The following ETV6 variants were observed in gnomAD, a reference collection of about 807,000 sequenced individuals.
ETV6 encodes the protein transcription factor ETV6.
A neutral mutation model predicts 51.1 loss-of-function variants in ETV6; 16 were observed. That is an observed-to-expected ratio of 0.31 (90% confidence interval 0.21 to 0.48). The LOEUF is 0.48. Among genes scored for constraint, ETV6 ranks in the 20% least tolerant of loss-of-function variants. The probability of loss-of-function intolerance (pLI) is 0.99; values close to 1 mark genes in which losing one functional copy is unlikely to be tolerated. For missense variants in ETV6, 458 were observed against 594.8 expected (o/e 0.77, Z 2.39); for synonymous variants, 240 against 224.1 (o/e 1.07, Z -0.64).
intron 2 of ETV6, among the ~76,000 whole-genome samples, chr12:11,800,977 G>C (rs951356521): frequency 1.2e-4 from 19 of 152,180 alleles, no homozygotes; most frequent in Non-Finnish European, 1.9e-4. Flanking sequence ...GACTTTTCTA[G>C]ATAATACTAG....
At chr12:11,788,500 C>G (rs1945522475) in intron 2 of ETV6, among the ~76,000 whole-genome samples, 1 of 152,178 alleles carries the variant, frequency 6.6e-6, no homozygotes, top group South Asian at 2.1e-4. Context: ...TTCTTAGTCC[C>G]TTTTCCTCTG....
At chr12:11,796,874 C>T (rs1945685662) in intron 2 of ETV6, among the ~76,000 whole-genome samples, 1 of 151,790 alleles carries the variant, frequency 6.6e-6, no homozygotes, top group Non-Finnish European at 1.5e-5. Context: ...GCAGCCTCCA[C>T]CTCCTGGGCT....
intron 2 of ETV6, among the ~76,000 whole-genome samples, chr12:11,780,011 G>A (rs1481748342): frequency 6.6e-6 from 1 of 152,156 alleles, no homozygotes; most frequent in East Asian, 1.9e-4. Context: ...TTTCACACAC[G>A]CTCTACCTTT....
chr12:11,780,460 GA>G (rs910671586), intron 2 of ETV6, among the ~76,000 whole-genome samples: 5 of 150,758 alleles, frequency 3.3e-5, no homozygotes, highest in Admixed American at 2.6e-4. Context: ...TAATCACAGA[GA>G]AAAAAAAAGC....
chr12:11,712,658 A>G (rs1297967285), intron 1 of ETV6, among the ~76,000 whole-genome samples: 1 of 152,184 alleles, frequency 6.6e-6, no homozygotes, highest in African/African-American at 2.4e-5. Context: ...TGGGAGACCC[A>G]AGTTTTTTTC....
At chr12:11,766,088 T>C (rs1945157041) in intron 2 of ETV6, among the ~76,000 whole-genome samples, 1 of 151,898 alleles carries the variant, frequency 6.6e-6, no homozygotes, top group South Asian at 2.1e-4. Flanking sequence ...TGGGCCAGGG[T>C]CGGTTTCGGT....
chr12:11,894,596 T>C lies in ETV6; in HGVS notation c.*3550T>C, dbSNP rs1591758661. ...AATGTCTTTTGATACTGATCTCTTG[T>C]CCAAATGAGAATGTCGCTTTAGCTG... On this transcript the variant is annotated 3_prime_UTR_variant, in exon 8 of 8. Transcript: ENST00000396373. The C allele has an allele frequency of 6.0e-5, 14 of 233,316 alleles. No homozygotes were observed. The East Asian group carries it at 8.4e-4, about 14-fold the overall frequency. 14.5% of individuals were successfully genotyped at this position (233,316 alleles called of 1,614,324 possible).
intron 2 of ETV6, among the ~76,000 whole-genome samples, chr12:11,813,491 C>T (rs528996360): frequency 2.5e-4 from 38 of 152,316 alleles, no homozygotes; most frequent in African/African-American, 7.2e-4. Context: ...TCACAGCAGA[C>T]GCATAGACAA....
intron 1 of ETV6, among the ~76,000 whole-genome samples, chr12:11,687,018 TG>T (rs1321783134): frequency 1.3e-5 from 2 of 152,164 alleles, no homozygotes; most frequent in African/African-American, 4.8e-5. Flanking sequence ...CCTGAGTATC[TG>T]GGACTACAGG....
In ETV6 at chr12:11,892,353, A is replaced by T. The variant is rs1399719580; in HGVS notation, c.*1307A>T. 4.3e-6 allele frequency: 1 copy of T among 232,764 alleles called. No individual in the cohort carries two copies. Among genetic ancestry groups the T allele is most frequent in the Non-Finnish European group, 8.5e-6 (1 of 117,968 alleles). The allele number at this position is 232,764 out of a possible 1,614,324, so 14.4% of individuals were successfully genotyped here. A position where few individuals can be genotyped will look rare whatever the true frequency, so the allele number is the denominator to read the frequency against. ...GTGTGCCCAGCCTGGGCAGACAGGA[A>T]ATTCCTCGGATACATTATTTTTTCT... On this transcript the variant is annotated 3_prime_UTR_variant, in exon 8 of 8. Coordinates refer to ENST00000396373, the MANE Select transcript of ETV6 (RefSeq NM_001987.5).
In ETV6 at chr12:11,705,483, T is replaced by C. The variant is rs543269863; in HGVS notation, c.34-46967T>C. ...TCTGCATTGGGATAATGGAGCAATTTTGCAGCAAACTGCTTTGGACTGTTC... is the reference window on the plus strand; with the variant it reads ...TCTGCATTGGGATAATGGAGCAATTCTGCAGCAAACTGCTTTGGACTGTTC... On this transcript the variant is annotated intron_variant, in intron 1 of 7. Transcript: ENST00000396373. Among the ~76,000 whole-genome samples the C allele has an allele frequency of 4.6e-5, 7 of 152,350 alleles. No individual in the cohort carries two copies. In the South Asian group the frequency reaches 1.2e-3, roughly 27 times the overall value.
chr12:11,741,357 A>G (rs1269881829), intron 1 of ETV6, among the ~76,000 whole-genome samples: 1 of 152,168 alleles, frequency 6.6e-6, no homozygotes, highest in Non-Finnish European at 1.5e-5. Context: ...AGTGGTCTGG[A>G]GCTTGATCAC....
At chr12:11,778,545 G>A (rs535360065) in intron 2 of ETV6, among the ~76,000 whole-genome samples, 32 of 152,294 alleles carry the variant, frequency 2.1e-4, no homozygotes, top group African/African-American at 6.3e-4. Flanking sequence ...GCAGGCTGAG[G>A]CACTGAGTGA....
intron 1 of ETV6, among the ~76,000 whole-genome samples, chr12:11,714,137 A>G (rs1032591125): frequency 6.6e-6 from 1 of 152,248 alleles, no homozygotes; most frequent in Non-Finnish European, 1.5e-5. Context: ...AGTACTTAGC[A>G]CATCATAAGC....
chr12:11,884,871 C>G (rs1418356866), intron 6 of ETV6, among the ~76,000 whole-genome samples: 2 of 152,182 alleles, frequency 1.3e-5, no homozygotes, highest in Non-Finnish European at 2.9e-5. Context: ...CCTGATCCCG[C>G]CACCTCCACT....
rs1457359444 is a variant in ETV6 at position 11,732,845 on chromosome 12, G to A, written c.34-19605G>A. 2.6e-5 allele frequency among the ~76,000 whole-genome samples: 4 copies of A among 152,168 alleles called. 1 individual carries two copies. Among genetic ancestry groups the A allele is most frequent in the Admixed American group, 2.6e-4 (4 of 15,276 alleles). ...GTAATCATTATGTTAAATGATACAA[G>A]TTTCAAAAAATATATATTTCTAATA... On this transcript the variant is annotated intron_variant, in intron 1 of 7. Transcript: ENST00000396373.
chr12:11,755,888 T>G (rs1019955554), intron 2 of ETV6, among the ~76,000 whole-genome samples: 5 of 152,322 alleles, frequency 3.3e-5, no homozygotes, highest in Non-Finnish European at 4.4e-5. Context: ...TTCCATTGAT[T>G]ACCAGATAAA....
At chr12:11,689,850 C>G (rs1864719089) in intron 1 of ETV6, among the ~76,000 whole-genome samples, 1 of 127,326 alleles carries the variant, frequency 7.9e-6, no homozygotes, top group African/African-American at 2.9e-5. Context: ...TCTCTGACAT[C>G]TGCCGCACAC....
chr12:11,872,914 A>G lies in ETV6; in HGVS notation c.1009+2945A>G, dbSNP rs184741234. On this transcript the variant is annotated intron_variant, in intron 5 of 7. Transcript: ENST00000396373. The stretch of plus-strand genomic sequence containing the variant: ...CACCAAATGATGAGCCTGGGTGTCT[A>G]TGGGTGCCCGCTCTCTCAAGGGCAC... 1.7e-3 allele frequency among the ~76,000 whole-genome samples: 265 copies of G among 152,216 alleles called. 2 individuals are homozygous for G. The highest frequency in any genetic ancestry group is 3.0e-3 in the Non-Finnish European group (203 of 67,992).
Sources: allele counts gnomAD v4.1 joint callset (sites outside exome capture counted in the v4.1 genomes callset), GRCh38; gene constraint gnomAD v4.1.1; transcripts MANE v1.5; gene names NCBI Gene and HGNC (gene_info 2026-07-23, HGNC 2026-07-21).